Variants in PLS1 observed in about 807,000 individuals in gnomAD.
PLS1 encodes plastin-1.
In PLS1, 32 loss-of-function variants were observed where a neutral mutation model predicts 73.7. The observed-to-expected ratio is 0.43, with a 90% confidence interval of 0.33 to 0.58. The LOEUF (loss-of-function observed/expected upper bound fraction) is 0.58, where lower values mean the gene tolerates loss of function less well. Ranked by LOEUF, PLS1 falls within the 20% of genes least tolerant of loss-of-function variation. The pLI, the probability that PLS1 is intolerant of heterozygous loss-of-function variation, is 0.04. For synonymous variants in PLS1, 217 were observed against 261.3 expected, an observed-to-expected ratio of 0.83 and a Z score of 1.63; for missense variants, 633 against 740.5, an observed-to-expected ratio of 0.85 and a Z score of 1.68.
intron 1 of PLS1, among the ~76,000 whole-genome samples, chr3:142,630,282 G>A (rs1414652180): frequency 8.6e-5 from 13 of 151,734 alleles, no homozygotes; most frequent in Admixed American, 2.0e-4. Context: ...CTATCGGGGC[G>A]TGGTGGCAGG....
chr3:142,643,774 A>G (rs1352424946), intron 1 of PLS1, among the ~76,000 whole-genome samples: 2 of 152,104 alleles, frequency 1.3e-5, no homozygotes, highest in Non-Finnish European at 2.9e-5. Flanking sequence ...TAAAACTATC[A>G]ACAGCTAAGA....
rs544993975 is a variant in PLS1 at position 142,611,723 on chromosome 3, T to G, written c.-37+15214T>G. 2.0e-5 allele frequency among the ~76,000 whole-genome samples: 3 copies of G among 152,346 alleles called. No individual in the cohort carries two copies. The South Asian group carries it at 6.2e-4, about 32-fold the overall frequency. ...TATATACATAAGCGCACACACATAT[T>G]GCTTTTGAGGACCATTGATTTTATG... On this transcript the variant is annotated intron_variant, in intron 1 of 15. Transcript: ENST00000457734.
chr3:142,652,472 T>C, intron 1 of PLS1, among the ~76,000 whole-genome samples: 1 of 152,188 alleles, frequency 6.6e-6, no homozygotes, highest in Non-Finnish European at 1.5e-5. Context: ...GAGGCAAAGA[T>C]TTTTGTGCCC....
At chr3:142,657,588 C>T (rs936421716) in intron 1 of PLS1, among the ~76,000 whole-genome samples, 1 of 152,178 alleles carries the variant, frequency 6.6e-6, no homozygotes, top group Admixed American at 6.5e-5. Context: ...CTCCTGGGTT[C>T]AAGCAATTCT....
intron 8 of PLS1, among the ~76,000 whole-genome samples, chr3:142,685,257 A>C (rs1214350592): frequency 2.0e-5 from 3 of 152,206 alleles, no homozygotes; most frequent in Non-Finnish European, 4.4e-5. Flanking sequence ...ACATTTATTC[A>C]GCTCTTTCTG....
chr3:142,668,783 G>A (rs2037535802), intron 2 of PLS1, among the ~76,000 whole-genome samples: 1 of 151,938 alleles, frequency 6.6e-6, no homozygotes, highest in Non-Finnish European at 1.5e-5. Context: ...TCCATTTTTA[G>A]TAGAGATGGG....
chr3:142,637,127 C>T (rs2036710811), intron 1 of PLS1, among the ~76,000 whole-genome samples: 2 of 152,156 alleles, frequency 1.3e-5, no homozygotes, highest in Admixed American at 1.3e-4. Context: ...TTCATAGCAG[C>T]TTTTTTGTAA....
chr3:142,643,673 T>C (rs1240289337), intron 1 of PLS1, among the ~76,000 whole-genome samples: 1 of 152,186 alleles, frequency 6.6e-6, no homozygotes, highest in African/African-American at 2.4e-5. Context: ...GGTCTTCTAA[T>C]ACTGAGTATG....
intron 1 of PLS1, among the ~76,000 whole-genome samples, chr3:142,626,909 A>G (rs1235288473): frequency 6.6e-6 from 1 of 152,208 alleles, no homozygotes; most frequent in Non-Finnish European, 1.5e-5. Flanking sequence ...CTGGAAGTGA[A>G]AAAAGGAATG....
intron 1 of PLS1, among the ~76,000 whole-genome samples, chr3:142,615,336 A>T (rs1176786611): frequency 6.6e-6 from 1 of 152,064 alleles, no homozygotes; most frequent in African/African-American, 2.4e-5. Context: ...AGATGATATC[A>T]TCTGGCTTCA....
At chr3:142,687,193 TACACTA>T (rs955972466) in intron 9 of PLS1, among the ~76,000 whole-genome samples, 4 of 143,106 alleles carry the variant, frequency 2.8e-5, no homozygotes, top group Non-Finnish European at 4.6e-5. Context: ...ACACATAAAA[TACACTA>T]ACACTAACAA....
At chr3:142,638,051 TC>T (rs778123175) in intron 1 of PLS1, among the ~76,000 whole-genome samples, 79 of 152,220 alleles carry the variant, frequency 5.2e-4, no homozygotes, top group Non-Finnish European at 9.9e-4. Context: ...GGATCCCTTT[TC>T]CCCAACATAC....
intron 1 of PLS1, among the ~76,000 whole-genome samples, chr3:142,610,294 C>T (rs773390793): frequency 3.9e-5 from 6 of 152,196 alleles, no homozygotes; most frequent in Non-Finnish European, 5.9e-5. Flanking sequence ...GACCCATCAC[C>T]GTGCAGATAG....
intron 1 of PLS1, among the ~76,000 whole-genome samples, chr3:142,610,621 CTT>C (rs1304236267): frequency 6.6e-6 from 1 of 151,940 alleles, no homozygotes; most frequent in Non-Finnish European, 1.5e-5. Flanking sequence ...GTAGAATTCT[CTT>C]GTTAGTTTGT....
intron 2 of PLS1, among the ~76,000 whole-genome samples, chr3:142,667,730 C>T (rs1234083075): frequency 6.6e-6 from 1 of 152,166 alleles, no homozygotes; most frequent in Non-Finnish European, 1.5e-5. Context: ...ATAACTTCCT[C>T]AGTCTTGTTT....
chr3:142,653,744 G>A (rs1165724561), intron 1 of PLS1, among the ~76,000 whole-genome samples: 2 of 152,068 alleles, frequency 1.3e-5, no homozygotes, highest in Non-Finnish European at 2.9e-5. Flanking sequence ...AGTATAAAAA[G>A]AGACCCCTTT....
In PLS1 at chr3:142,684,259, T is replaced by C. The variant is rs375869908; in HGVS notation, c.752T>C (p.Ile251Thr). 1 of 1,614,180 alleles carries C rather than the reference T, an allele frequency of 6.2e-7. No individual in the cohort carries two copies. The highest frequency in any genetic ancestry group is 8.5e-7 in the Non-Finnish European group (1 of 1,180,004). Residue 251 changes from isoleucine (I) to threonine (T), a missense_variant, in exon 8 of 16, where the codon ATT (isoleucine) becomes ACT (threonine). Transcript: ENST00000457734. ...TTCGCTGTTTTGCCCTCAGCTCTGA[T>C]TGCATTGTTAAATGAAGGTGAGGAA... ...DIEISRNEAL[I>T]ALLNEGEELE...
At chr3:142,678,150 T>C (rs763202519) in intron 6 of PLS1, 37 bp downstream of exon 6, 3 of 991,082 alleles carry the variant, frequency 3.0e-6, no homozygotes, top group Non-Finnish European at 4.5e-6. Flanking sequence ...CATGTTACTA[T>C]GCTGAGAAAT....
chr3:142,652,124 T>C (rs920284077), intron 1 of PLS1, among the ~76,000 whole-genome samples: 6 of 152,318 alleles, frequency 3.9e-5, no homozygotes, highest in East Asian at 1.9e-4. Flanking sequence ...TGGCTGTAGA[T>C]TGGAAGTCTT....
Sources: gnomAD v4.1 joint callset for allele counts (sites outside exome capture counted in the v4.1 genomes callset) on GRCh38, gnomAD v4.1.1 for gene constraint, MANE v1.5 for transcripts, NCBI Gene and HGNC (gene_info 2026-07-23, HGNC 2026-07-21) for gene names.